The following FAM186B variants were observed in gnomAD, a reference collection of about 807,000 sequenced individuals.
FAM186B encodes family with sequence similarity 186 member B, also known as protein FAM186B.
Under a neutral mutation model 83.4 loss-of-function variants are expected in FAM186B, and 68 were observed. The observed-to-expected ratio is 0.81, with a 90% CI of 0.67 to 1.00. The LOEUF is 1.00. Ranked by LOEUF, FAM186B falls within the 50% of genes least tolerant of loss-of-function variation. The probability of loss-of-function intolerance (pLI) is 0.00; values close to 1 mark genes in which losing one functional copy is unlikely to be tolerated. For missense variants in FAM186B, 983 were observed against 1,099.2 expected (o/e 0.89, Z 1.49); for synonymous variants, 389 against 422.0 (o/e 0.92, Z 0.96).
At chr12:49,607,037 A>C (rs1315808502), upstream of FAM186B, among the ~76,000 whole-genome samples, 2 of 152,236 alleles carry the variant, frequency 1.3e-5, no homozygotes, top group Non-Finnish European at 2.9e-5. Flanking sequence ...TGAGTCAAAA[A>C]AGAAATCACA....
Position 49,600,701 on chromosome 12 carries a change from GGCCTGCTTCATCAGGA to G in FAM186B, c.923_938del (p.Leu308ProfsTer6). On this transcript the variant is annotated frameshift_variant, in exon 4 of 7. Transcript: ENST00000257894. LOFTEE classifies it high-confidence loss of function. The surrounding 1 kb of genome is among the most constrained non-coding windows in gnomAD (Gnocchi z 4.3). The stretch of plus-strand genomic sequence containing the variant: ...GAGCCTTCTTCAGCTGGAACTCCAA[GGCCTGCTTCATCAGGA>G]GAAGGTCATGGTACCTTCCCCCTAA... The G allele has an allele frequency of 1.2e-6, 2 of 1,614,154 alleles. No homozygotes were observed. Among genetic ancestry groups the G allele is most frequent in the Non-Finnish European group, 8.5e-7 (1 of 1,180,026 alleles).
chr12:49,595,363 T>G, intron 5 of FAM186B: 1 of 560,938 alleles, frequency 1.8e-6, no homozygotes, highest in Non-Finnish European at 3.5e-6. Context: ...TGCACAGAAT[T>G]TACCTGAGTC....
At chr12:49,591,911 GA>G (rs1441883367) in intron 5 of FAM186B, among the ~76,000 whole-genome samples, 7 of 151,686 alleles carry the variant, frequency 4.6e-5, no homozygotes, top group Non-Finnish European at 2.9e-5. Context: ...GGAATAACAA[GA>G]AAAAAAAGTC....
the FAM186B span, among the ~76,000 whole-genome samples, chr12:49,613,547 G>C: frequency 7.0e-6 from 1 of 143,740 alleles, no homozygotes; most frequent in Non-Finnish European, 1.5e-5. Flanking sequence ...AAAAAAGTTA[G>C]ATCTCAAATT....
intron 5 of FAM186B, among the ~76,000 whole-genome samples, chr12:49,595,999 T>C (rs990397429): frequency 5.3e-5 from 8 of 151,104 alleles, no homozygotes; most frequent in African/African-American, 1.9e-4. Context: ...AATAAATAAA[T>C]AAAAATAAGA....
intron 5 of FAM186B, among the ~76,000 whole-genome samples, chr12:49,589,388 C>T (rs977520519): frequency 5.9e-5 from 9 of 152,340 alleles, no homozygotes; most frequent in Admixed American, 3.3e-4. Flanking sequence ...GCAGCCTGAG[C>T]CTCAGGTCTT....
chr12:49,595,598 G>T, intron 5 of FAM186B: 1 of 421,918 alleles, frequency 2.4e-6, no homozygotes, highest in South Asian at 1.9e-5. Context: ...CAGGGCCTAG[G>T]ACCAGCTTTG....
the FAM186B span, among the ~76,000 whole-genome samples, chr12:49,610,657 G>A: frequency 5.3e-5 from 8 of 152,086 alleles, no homozygotes; most frequent in South Asian, 2.1e-4. Flanking sequence ...GGACACGGTC[G>A]TGGGCGCCTG....
chr12:49,619,832 G>A, the FAM186B span, among the ~76,000 whole-genome samples: 11 of 151,448 alleles, frequency 7.3e-5, no homozygotes, highest in Non-Finnish European at 1.5e-4. Flanking sequence ...TCGCCACCAC[G>A]CCCAGCTAAT....
intron 1 of FAM186B, 46 bp downstream of exon 1, chr12:49,605,336 G>A (rs11169088): frequency 0.011 from 17,973 of 1,583,166 alleles, 138 homozygotes; most frequent in Non-Finnish European, 0.013. Context: ...CCCAGTCTCC[G>A]CATCAGATCC....
chr12:49,593,967 G>T (rs1418562295), intron 5 of FAM186B: 1 of 153,614 alleles, frequency 6.5e-6, no homozygotes, highest in Non-Finnish European at 1.4e-5. Context: ...TGAATTGAAA[G>T]AATAAATATT....
rs372665929 is a variant in FAM186B, at chr12:49,594,765, C to G, written c.2364+3990G>C. On this transcript the variant is annotated intron_variant, in intron 5 of 6. Coordinates refer to ENST00000257894, the MANE Select transcript of FAM186B (RefSeq NM_032130.3). ...TGGCGCATGCCTGTAATCCCAGATA[C>G]TTGGGAGGCTGAGGCAAGAGAATCG... Among the ~76,000 whole-genome samples, 4 of 152,028 alleles carry G rather than the reference C, an allele frequency of 2.6e-5. No homozygotes were observed. In the East Asian group the frequency reaches 5.8e-4, roughly 22 times the overall value.
the FAM186B span, among the ~76,000 whole-genome samples, chr12:49,614,836 G>A: frequency 0.022 from 3,318 of 152,168 alleles, 114 homozygotes; most frequent in African/African-American, 0.076. Context: ...AGTGATAAAG[G>A]ACTACACACT....
At chr12:49,621,493 T>C in the FAM186B span, among the ~76,000 whole-genome samples, 1 of 152,142 alleles carries the variant, frequency 6.6e-6, no homozygotes, top group African/African-American at 2.4e-5. Context: ...TTGGAGAAGG[T>C]CAGCAGTCTC....
Position 49,600,222 on chromosome 12 carries a change from G to C in FAM186B, c.1418C>G (p.Ser473Cys), listed in dbSNP as rs372452686. The change falls in exon 4 of 7, where the codon TCT becomes TGT. Residue 473 changes from serine (S) to cysteine (C), a missense_variant. By Grantham distance (112) the Ser-to-Cys change is moderately radical (BLOSUM62 -1). Coordinates refer to ENST00000257894, the MANE Select transcript of FAM186B (RefSeq NM_032130.3). The surrounding 1 kb of genome is among the most constrained non-coding windows in gnomAD (Gnocchi z 4.3). ...LSLESSRQVT[S>C]ESQEEPWEEE... ...CTCCCAGGGCTCCTCTTGGCTCTCAGAGGTCACCTGCCTGGAGCTCTCTAG... is the reference window on the plus strand; with the variant it reads ...CTCCCAGGGCTCCTCTTGGCTCTCACAGGTCACCTGCCTGGAGCTCTCTAG... 1.2e-6 allele frequency: 2 copies of C among 1,612,624 alleles called. No homozygotes were observed. The highest frequency in any genetic ancestry group is 3.3e-5 in the Admixed American group (2 of 59,928).
At chr12:49,587,465 C>A, downstream of FAM186B, 1 of 1,204,026 alleles carries the variant, frequency 8.3e-7, no homozygotes, top group Non-Finnish European at 1.2e-6. Flanking sequence ...ACCAGGTTAG[C>A]CTCTCTCTAT....
chr12:49,613,711 T>C, the FAM186B span, among the ~76,000 whole-genome samples: 161 of 151,004 alleles, frequency 1.1e-3, no homozygotes, highest in African/African-American at 3.7e-3. Flanking sequence ...TGGTGGCATG[T>C]ACCTGTAGTT....
chr12:49,615,182 G>A, the FAM186B span, among the ~76,000 whole-genome samples: 1 of 150,968 alleles, frequency 6.6e-6, no homozygotes, highest in East Asian at 1.9e-4. Flanking sequence ...TCAGGTGATG[G>A]GTACACTTAA....
intron 3 of FAM186B, 151 bp from the exon 4 acceptor site, chr12:49,601,285 G>T: frequency 8.8e-7 from 1 of 1,132,644 alleles, no homozygotes; most frequent in Non-Finnish European, 1.2e-6. Flanking sequence ...CAGGGACAGT[G>T]CTGTCAGGAC....
Sources: gnomAD v4.1 joint callset for allele counts (sites outside exome capture counted in the v4.1 genomes callset) on GRCh38, gnomAD v4.1.1 for gene constraint, Gnocchi (gnomAD v3.1) non-coding constraint, MANE v1.5 for transcripts, NCBI Gene and HGNC (gene_info 2026-07-23, HGNC 2026-07-21) for gene names.